The following GREB1L variants were observed in gnomAD, a reference collection of about 807,000 sequenced individuals.
GREB1L encodes the protein GREB1-like protein.
Under a neutral mutation model 200.8 loss-of-function variants are expected in GREB1L, and 17 were observed. The observed-to-expected ratio is 0.08, with a 90% CI of 0.06 to 0.13. The LOEUF is 0.13. Among genes scored for constraint, GREB1L ranks in the 10% least tolerant of loss-of-function variants. The probability of loss-of-function intolerance (pLI) is 1.00; values close to 1 mark genes in which losing one functional copy is unlikely to be tolerated. For synonymous variants in GREB1L, 789 were observed against 893.0 expected, an observed-to-expected ratio of 0.88 and a Z score of 2.08; for missense variants, 1,657 against 2,367.7, an observed-to-expected ratio of 0.70 and a Z score of 6.23.
chr18:21,475,930 C>T (rs578063303), intron 16 of GREB1L, among the ~76,000 whole-genome samples: 3 of 128,342 alleles, frequency 2.3e-5, no homozygotes, highest in African/African-American at 5.8e-5. Flanking sequence ...GATTATGCCA[C>T]TGCACTCCAG....
At chr18:21,279,793 A>T (rs1250552019) in intron 1 of GREB1L, among the ~76,000 whole-genome samples, 1 of 152,192 alleles carries the variant, frequency 6.6e-6, no homozygotes, top group Non-Finnish European at 1.5e-5. Flanking sequence ...CTACAGGTGC[A>T]TGCCACCTGT....
intron 1 of GREB1L, among the ~76,000 whole-genome samples, chr18:21,319,999 G>T (rs1285369074): frequency 6.6e-6 from 1 of 152,126 alleles, no homozygotes; most frequent in Non-Finnish European, 1.5e-5. Context: ...TCAAATTTTT[G>T]AATAGGACTT....
intron 7 of GREB1L, among the ~76,000 whole-genome samples, chr18:21,424,077 G>A (rs1271894427): frequency 1.3e-5 from 2 of 152,156 alleles, no homozygotes; most frequent in African/African-American, 4.8e-5. Flanking sequence ...CTGAGCTCAT[G>A]CAGAACTGTC....
intron 2 of GREB1L, among the ~76,000 whole-genome samples, chr18:21,377,756 A>T (rs1239578867): frequency 1.3e-5 from 2 of 152,044 alleles, no homozygotes; most frequent in Non-Finnish European, 2.9e-5. Flanking sequence ...CTAAAAATAC[A>T]AACATTAGCC....
chr18:21,332,377 T>G (rs553294506), intron 1 of GREB1L, among the ~76,000 whole-genome samples: 2 of 152,324 alleles, frequency 1.3e-5, no homozygotes, highest in African/African-American at 4.8e-5. Flanking sequence ...TTTATCATGT[T>G]GCTGGTAAAT....
intron 9 of GREB1L, among the ~76,000 whole-genome samples, chr18:21,440,946 G>C: frequency 1.3e-5 from 2 of 152,302 alleles, no homozygotes; most frequent in African/African-American, 4.8e-5. Flanking sequence ...TAGTTTTAAA[G>C]ACTACATAGA....
chr18:21,249,791 C>T (rs768231590), intron 1 of GREB1L, among the ~76,000 whole-genome samples: 2 of 150,896 alleles, frequency 1.3e-5, no homozygotes, highest in East Asian at 1.9e-4. Context: ...ACTCCGGAGG[C>T]GGAAGTTGCG....
intron 1 of GREB1L, among the ~76,000 whole-genome samples, chr18:21,353,701 T>C (rs1469927462): frequency 2.6e-5 from 4 of 152,182 alleles, no homozygotes; most frequent in Non-Finnish European, 5.9e-5. Flanking sequence ...TGGTTTGATA[T>C]GAATGGGCAT....
intron 1 of GREB1L, among the ~76,000 whole-genome samples, chr18:21,320,622 C>T (rs548883629): frequency 6.3e-4 from 95 of 151,930 alleles, no homozygotes; most frequent in Middle Eastern, 3.4e-3. Context: ...AAAAATTAGC[C>T]GGGCGTAGTG....
Position 21,496,424 on chromosome 18 carries a change from C to T in GREB1L, c.3147-30C>T, listed in dbSNP as rs1464252407. 3.2e-6 allele frequency: 5 copies of T among 1,550,562 alleles called. No individual in the cohort carries two copies. The Admixed American group carries it at 5.9e-5, about 18-fold the overall frequency. ...CACACTGCGTGCCTGGCCAGATAGACTCACCAACAACACAATTACTTTTGT... is the reference window on the plus strand; with the variant it reads ...CACACTGCGTGCCTGGCCAGATAGATTCACCAACAACACAATTACTTTTGT... On this transcript the variant is annotated intron_variant, in intron 20 of 32. Coordinates refer to ENST00000424526, the MANE Select transcript of GREB1L (RefSeq NM_001142966.3).
chr18:21,501,402 C>G (rs940403244), intron 23 of GREB1L, among the ~76,000 whole-genome samples: 1 of 152,092 alleles, frequency 6.6e-6, no homozygotes, highest in Non-Finnish European at 1.5e-5. Flanking sequence ...TCCTAATACT[C>G]TCCCTCCTCT....
intron 7 of GREB1L, among the ~76,000 whole-genome samples, chr18:21,408,601 C>CCTGA (rs1208515579): frequency 6.6e-6 from 1 of 151,922 alleles, no homozygotes; most frequent in East Asian, 1.9e-4. Flanking sequence ...TTGAGACCAG[C>CCTGA]CTGACCAACA....
chr18:21,261,474 A>G (rs1256095976), intron 1 of GREB1L, among the ~76,000 whole-genome samples: 2 of 152,070 alleles, frequency 1.3e-5, no homozygotes, highest in Admixed American at 1.3e-4. Context: ...CAACTTCCCT[A>G]CAATAAAATA....
At chr18:21,293,698 A>G (rs973334910) in intron 1 of GREB1L, among the ~76,000 whole-genome samples, 1 of 152,226 alleles carries the variant, frequency 6.6e-6, no homozygotes, top group Non-Finnish European at 1.5e-5. Context: ...CAAAGTCACT[A>G]TAGTTAGAGC....
chr18:21,347,094 A>G (rs539924898), intron 1 of GREB1L, among the ~76,000 whole-genome samples: 2 of 152,126 alleles, frequency 1.3e-5, no homozygotes, highest in Admixed American at 6.5e-5. Flanking sequence ...CCTGACCAAT[A>G]TGGTGAAACC....
intron 7 of GREB1L, among the ~76,000 whole-genome samples, chr18:21,431,808 A>G (rs1461915409): frequency 6.6e-6 from 1 of 150,932 alleles, no homozygotes; most frequent in African/African-American, 2.4e-5. Flanking sequence ...TTAGGTGTGT[A>G]TATGTTTATA....
chr18:21,345,717 C>T (rs946195607), intron 1 of GREB1L, among the ~76,000 whole-genome samples: 3 of 151,730 alleles, frequency 2.0e-5, no homozygotes, highest in South Asian at 2.1e-4. Flanking sequence ...ACTAAAAATA[C>T]GAAAATGAGC....
chr18:21,485,820 GC>G (rs1393368620), intron 18 of GREB1L, 67 bp downstream of exon 18: 6 of 1,487,482 alleles, frequency 4.0e-6, no homozygotes, highest in Non-Finnish European at 4.6e-6. Context: ...ATAGCCAAAA[GC>G]CTTTTGTGTC....
chr18:21,460,397 G>A (rs1416422384), intron 15 of GREB1L, among the ~76,000 whole-genome samples: 1 of 152,134 alleles, frequency 6.6e-6, no homozygotes, highest in Middle Eastern at 3.2e-3. Flanking sequence ...CCAGGTTGGA[G>A]TGCAATGGCA....
Sources: allele counts gnomAD v4.1 joint callset (sites outside exome capture counted in the v4.1 genomes callset), GRCh38; gene constraint gnomAD v4.1.1; transcripts MANE v1.5; gene names NCBI Gene and HGNC (gene_info 2026-07-23, HGNC 2026-07-21).